The following DNAJC15 variants were observed in gnomAD, a reference collection of about 807,000 sequenced individuals.
DNAJC15 encodes the protein DnaJ heat shock protein family (Hsp40) member C15, also known as dnaJ homolog subfamily C member 15.
In DNAJC15, 27 loss-of-function variants were observed where a neutral mutation model predicts 22.4. The ratio of observed to expected loss-of-function variants is 1.20; its 90% CI spans 0.89 to 1.66. DNAJC15 has a LOEUF of 1.66. Among genes scored for constraint, DNAJC15 ranks in the 40% most tolerant of loss-of-function variants. DNAJC15 has a pLI of 0.00. For synonymous variants in DNAJC15, 79 were observed against 63.2 expected (o/e 1.25, Z -1.19); for missense variants, 208 against 187.1 (o/e 1.11, Z -0.65).
At chr13:43,087,635 A>G (rs1262249990) in intron 5 of DNAJC15, among the ~76,000 whole-genome samples, 3 of 152,110 alleles carry the variant, frequency 2.0e-5, no homozygotes, top group Non-Finnish European at 4.4e-5. Context: ...AAATACTTAA[A>G]TCTCATTTCC....
At chr13:43,069,346 G>A (rs904665957) in intron 3 of DNAJC15, among the ~76,000 whole-genome samples, 4 of 152,120 alleles carry the variant, frequency 2.6e-5, no homozygotes, top group Admixed American at 2.6e-4. Context: ...CAGGAGCTTG[G>A]AATAGCTGAT....
In DNAJC15 at chr13:43,107,902, A is replaced by G. The variant is rs370760509; in HGVS notation, c.*654A>G. 3 of 152,356 alleles carry G rather than the reference A, an allele frequency of 2.0e-5. No individual in the cohort carries two copies. The South Asian group carries it at 6.2e-4, about 32-fold the overall frequency. 9.4% of individuals were successfully genotyped at this position (152,356 alleles called of 1,614,324 possible). ...AGCCCTGTGAGGAAAGGTTGAGAGA[A>G]GTCTGAGGAGTTTGTATTTAATTAT... is the stretch of plus-strand genomic sequence containing the variant. On this transcript the variant is annotated 3_prime_UTR_variant, in exon 6 of 6. Coordinates refer to ENST00000379221, the MANE Select transcript of DNAJC15 (RefSeq NM_013238.3).
intron 1 of DNAJC15, among the ~76,000 whole-genome samples, chr13:43,061,836 A>G (rs2040560663): frequency 6.6e-6 from 1 of 152,226 alleles, no homozygotes; most frequent in African/African-American, 2.4e-5. Context: ...AGTGTGGACA[A>G]ATGTTTAAAC....
intron 1 of DNAJC15, among the ~76,000 whole-genome samples, chr13:43,064,619 A>G (rs2040574398): frequency 6.6e-6 from 1 of 152,262 alleles, no homozygotes; most frequent in South Asian, 2.1e-4. Context: ...CCAAAAATAT[A>G]GTGGCTTAGG....
At chr13:43,102,903 A>G (rs1402245429) in intron 5 of DNAJC15, among the ~76,000 whole-genome samples, 1 of 152,180 alleles carries the variant, frequency 6.6e-6, no homozygotes, top group African/African-American at 2.4e-5. Context: ...GAAAAATTCA[A>G]CAAAATCATG....
intron 5 of DNAJC15, among the ~76,000 whole-genome samples, chr13:43,098,265 C>G (rs114604013): frequency 0.013 from 2,053 of 152,230 alleles, 45 homozygotes; most frequent in African/African-American, 0.044. Context: ...CATCAGTCAG[C>G]TAGTAATTAT....
intron 5 of DNAJC15, among the ~76,000 whole-genome samples, chr13:43,099,867 A>G (rs942193682): frequency 6.6e-6 from 1 of 152,028 alleles, no homozygotes; most frequent in African/African-American, 2.4e-5. Flanking sequence ...TTGCATCCAC[A>G]CTTATAAGAT....
At chr13:43,100,885 TTC>T (rs2040765611) in intron 5 of DNAJC15, among the ~76,000 whole-genome samples, 2 of 152,208 alleles carry the variant, frequency 1.3e-5, no homozygotes, top group Admixed American at 1.3e-4. Context: ...ATTTCTTAGT[TTC>T]TGTTTTTGTT....
chr13:43,078,971 T>C (rs1248428107), intron 4 of DNAJC15: 1 of 204,340 alleles, frequency 4.9e-6, no homozygotes, highest in South Asian at 1.3e-4. Context: ...AACCAAAATA[T>C]CCTTTTTTGT....
chr13:43,077,568 TC>T (rs1380971651), intron 3 of DNAJC15, among the ~76,000 whole-genome samples: 1 of 152,158 alleles, frequency 6.6e-6, no homozygotes, highest in Non-Finnish European at 1.5e-5. Flanking sequence ...ATACAATGTT[TC>T]TATCCCATGT....
chr13:43,043,886 T>A (rs1195775148), intron 1 of DNAJC15, among the ~76,000 whole-genome samples: 2 of 152,094 alleles, frequency 1.3e-5, no homozygotes, highest in Non-Finnish European at 2.9e-5. Flanking sequence ...AATGGAACAA[T>A]AATGGTAAAG....
At chr13:43,039,779 G>C (rs2040444650) in intron 1 of DNAJC15, among the ~76,000 whole-genome samples, 1 of 152,218 alleles carries the variant, frequency 6.6e-6, no homozygotes, top group Non-Finnish European at 1.5e-5. Context: ...ACTTTGGGAG[G>C]CTGAGGCAGG....
At chr13:43,099,720 T>G (rs2040757980) in intron 5 of DNAJC15, among the ~76,000 whole-genome samples, 1 of 152,198 alleles carries the variant, frequency 6.6e-6, no homozygotes, top group African/African-American at 2.4e-5. Flanking sequence ...ATCCCTGTGT[T>G]AAATCCCACA....
At chr13:43,096,755 C>A (rs1325958719) in intron 5 of DNAJC15, among the ~76,000 whole-genome samples, 1 of 152,184 alleles carries the variant, frequency 6.6e-6, no homozygotes, top group African/African-American at 2.4e-5. Context: ...TCAGGTTGGC[C>A]TTTGTCATTT....
At chr13:43,105,205 G>A (rs1055623431) in intron 5 of DNAJC15, among the ~76,000 whole-genome samples, 5 of 151,996 alleles carry the variant, frequency 3.3e-5, no homozygotes, top group African/African-American at 1.2e-4. Context: ...CTGCCTCACA[G>A]GCTGCCACTA....
intron 3 of DNAJC15, among the ~76,000 whole-genome samples, chr13:43,074,435 G>A (rs2040623189): frequency 6.6e-6 from 1 of 152,098 alleles, no homozygotes; most frequent in African/African-American, 2.4e-5. Context: ...CAGAAAAAAA[G>A]GACCATTTAC....
chr13:43,098,828 C>G (rs2040753659), intron 5 of DNAJC15, among the ~76,000 whole-genome samples: 1 of 152,112 alleles, frequency 6.6e-6, no homozygotes, highest in African/African-American at 2.4e-5. Flanking sequence ...AAATGTGAGT[C>G]CTCCTACTTT....
chr13:43,067,087 A>T (rs532807729), intron 2 of DNAJC15, among the ~76,000 whole-genome samples: 1 of 152,200 alleles, frequency 6.6e-6, no homozygotes, highest in Non-Finnish European at 1.5e-5. Context: ...TGTAAGTTCT[A>T]TCGGTTTGAT....
chr13:43,067,182 A>G (rs752125064), intron 2 of DNAJC15, among the ~76,000 whole-genome samples: 3 of 152,230 alleles, frequency 2.0e-5, no homozygotes, highest in Non-Finnish European at 4.4e-5. Flanking sequence ...AATGAGAAAT[A>G]AGAGGGTCTT....
Sources: allele counts gnomAD v4.1 joint callset (sites outside exome capture counted in the v4.1 genomes callset), GRCh38; gene constraint gnomAD v4.1.1; transcripts MANE v1.5; gene names NCBI Gene and HGNC (gene_info 2026-07-23, HGNC 2026-07-21).